CHST9: variants seen among roughly 807,000 people sequenced by gnomAD.
The protein encoded by CHST9 is GalNAc-4-sulfotransferase 2.
CHST9 carries 41 observed loss-of-function variants against 44.4 expected under a neutral mutation model. The observed-to-expected ratio is 0.92, with a 90% CI of 0.72 to 1.20. The LOEUF (loss-of-function observed/expected upper bound fraction) is 1.20, where lower values mean the gene tolerates loss of function less well. Ranked by LOEUF, CHST9 falls within the 50% of genes most tolerant of loss-of-function variation. CHST9 has a pLI of 0.00. For synonymous variants in CHST9, 171 were observed against 178.4 expected, an observed-to-expected ratio of 0.96 and a Z score of 0.33; for missense variants, 504 against 516.5, an observed-to-expected ratio of 0.98 and a Z score of 0.23.
At chr18:27,038,405 G>A (rs181020984) in intron 3 of CHST9, among the ~76,000 whole-genome samples, 59 of 152,238 alleles carry the variant, frequency 3.9e-4, no homozygotes, top group Admixed American at 2.3e-3. Context: ...AATTAGCTGC[G>A]TGTGGTGGCA....
intron 1 of CHST9, among the ~76,000 whole-genome samples, chr18:27,184,260 G>A (rs771041943): frequency 2.6e-5 from 4 of 152,128 alleles, no homozygotes; most frequent in Admixed American, 6.5e-5. Flanking sequence ...GTTTGTGGGA[G>A]GGAGCTGGGG....
intron 1 of CHST9, among the ~76,000 whole-genome samples, chr18:27,184,023 T>G (rs1052571559): frequency 3.9e-5 from 6 of 151,940 alleles, no homozygotes; most frequent in Non-Finnish European, 1.5e-5. Context: ...TAAATAAAAT[T>G]GTACAAAGAT....
intron 4 of CHST9, among the ~76,000 whole-genome samples, chr18:26,986,567 G>T (rs540046844): frequency 1.3e-5 from 2 of 152,208 alleles, no homozygotes; most frequent in Admixed American, 1.3e-4. Flanking sequence ...TAAGTTCAGA[G>T]ATCTAGGAAG....
At chr18:27,071,067 C>T (rs757688491) in intron 2 of CHST9, among the ~76,000 whole-genome samples, 33 of 152,272 alleles carry the variant, frequency 2.2e-4, no homozygotes, top group Non-Finnish European at 4.3e-4. Flanking sequence ...GCGCTAGTTT[C>T]TGGGCTCTGA....
chr18:27,136,611 C>A (rs1386805787), intron 2 of CHST9, among the ~76,000 whole-genome samples: 1 of 152,198 alleles, frequency 6.6e-6, no homozygotes, highest in Non-Finnish European at 1.5e-5. Flanking sequence ...GTACCTATCT[C>A]AGACTTGTTG....
chr18:27,141,282 G>A (rs1167951280), intron 2 of CHST9, among the ~76,000 whole-genome samples: 5 of 151,288 alleles, frequency 3.3e-5, no homozygotes, highest in Admixed American at 1.3e-4. Flanking sequence ...GGAGAATGGC[G>A]TGAACCCAGC....
chr18:27,055,560 G>A (rs1472511396), intron 2 of CHST9, among the ~76,000 whole-genome samples: 1 of 152,134 alleles, frequency 6.6e-6, no homozygotes, highest in African/African-American at 2.4e-5. Flanking sequence ...CTATTGCCAT[G>A]TTTAGCTATT....
chr18:27,073,757 G>A (rs537250346), intron 2 of CHST9, among the ~76,000 whole-genome samples: 1 of 151,982 alleles, frequency 6.6e-6, no homozygotes, highest in South Asian at 2.1e-4. Flanking sequence ...GAAGCTATTT[G>A]TGGCTTCTGA....
intron 2 of CHST9, among the ~76,000 whole-genome samples, chr18:27,070,570 T>A (rs1338166266): frequency 6.6e-6 from 1 of 152,226 alleles, no homozygotes; most frequent in Non-Finnish European, 1.5e-5. Context: ...TTAGTTTACA[T>A]GATTTCACTC....
intron 3 of CHST9, among the ~76,000 whole-genome samples, chr18:27,047,388 TTGTGTGTGTGTG>T (rs55698484): frequency 4.8e-5 from 7 of 145,654 alleles, no homozygotes; most frequent in Non-Finnish European, 9.0e-5. Flanking sequence ...GCCTTCATAA[TTGTGTGTGTGTG>T]TGTGTGTGTG....
At chr18:27,110,229 C>A (rs2058259256) in intron 2 of CHST9, among the ~76,000 whole-genome samples, 1 of 151,562 alleles carries the variant, frequency 6.6e-6, no homozygotes, top group South Asian at 2.1e-4. Flanking sequence ...GTTTTCTTAC[C>A]ACTTAGGGGT....
At chr18:27,084,433 T>C (rs538936859) in intron 2 of CHST9, among the ~76,000 whole-genome samples, 1 of 150,094 alleles carries the variant, frequency 6.7e-6, no homozygotes, top group Non-Finnish European at 1.5e-5. Context: ...TTTGAGCTCA[T>C]AGTGGTGTTC....
intron 2 of CHST9, among the ~76,000 whole-genome samples, chr18:27,074,133 T>C (rs944203952): frequency 2.0e-5 from 3 of 152,206 alleles, no homozygotes; most frequent in Non-Finnish European, 4.4e-5. Context: ...CTGTTTACCA[T>C]GCACTTCAAA....
At chr18:27,175,238 G>A (rs2058859363) in intron 1 of CHST9, among the ~76,000 whole-genome samples, 1 of 150,640 alleles carries the variant, frequency 6.6e-6, no homozygotes, top group Admixed American at 6.6e-5. Flanking sequence ...TTTTCATATA[G>A]GGGCCATATG....
Position 26,912,901 on chromosome 18 carries a change from T to C in CHST9, c.*3358A>G, listed in dbSNP as rs902611975. The stretch of plus-strand genomic sequence containing the variant: ...GTAGTTGAGCTATAATTAAACGCCT[T>C]TGGCCAATCCTTTTTCAAGTATCAG... On this transcript the variant is annotated 3_prime_UTR_variant, in exon 6 of 6. Coordinates refer to ENST00000618847, the MANE Select transcript of CHST9 (RefSeq NM_031422.6). 3 of 152,204 alleles carry C rather than the reference T, an allele frequency of 2.0e-5. No homozygotes were observed. The highest frequency in any genetic ancestry group is 7.2e-5 in the African/African-American group (3 of 41,450). The allele number at this position is 152,204 out of a possible 1,614,324, so 9.4% of individuals were successfully genotyped here. A position where few individuals can be genotyped will look rare whatever the true frequency, so the allele number is the denominator to read the frequency against.
Position 26,910,719 on chromosome 18 carries a change from G to A in CHST9, c.*5540C>T, listed in dbSNP as rs560200310. On this transcript the variant is annotated 3_prime_UTR_variant, in exon 6 of 6. Transcript: ENST00000618847. ...CTGCCAATGTATGGTCTCAGCTTTG[G>A]AGCCAGAGAGACTGTTATTAAACCT... The A allele has an allele frequency of 6.6e-6, 1 of 152,130 alleles. No individual in the cohort carries two copies. Among genetic ancestry groups the A allele is most frequent in the African/African-American group, 2.4e-5 (1 of 41,444 alleles). 9.4% of individuals were successfully genotyped at this position (152,130 alleles called of 1,614,324 possible).
intron 4 of CHST9, among the ~76,000 whole-genome samples, chr18:27,010,614 T>G (rs2057071846): frequency 6.6e-6 from 1 of 152,158 alleles, no homozygotes; most frequent in African/African-American, 2.4e-5. Flanking sequence ...GTTTCTCATA[T>G]ACAACATGAA....
At chr18:27,006,238 TTTTA>T (rs1229346339) in intron 4 of CHST9, among the ~76,000 whole-genome samples, 2 of 152,128 alleles carry the variant, frequency 1.3e-5, no homozygotes, top group African/African-American at 4.8e-5. Context: ...GCTTTATTAA[TTTTA>T]TTTATTTATT....
At chr18:26,942,764 C>T (rs763816181) in intron 5 of CHST9, among the ~76,000 whole-genome samples, 6 of 152,090 alleles carry the variant, frequency 3.9e-5, no homozygotes, top group Admixed American at 6.6e-5. Flanking sequence ...CTAACCATTG[C>T]TGAGCCTCAC....
Sources: gnomAD v4.1 joint callset for allele counts (sites outside exome capture counted in the v4.1 genomes callset) on GRCh38, gnomAD v4.1.1 for gene constraint, MANE v1.5 for transcripts, NCBI Gene and HGNC (gene_info 2026-07-23, HGNC 2026-07-21) for gene names.